The following ABCA5 variants were observed in gnomAD, a reference collection of about 807,000 sequenced individuals.
The protein encoded by ABCA5 is cholesterol transporter ABCA5.
Under a neutral mutation model 206.0 loss-of-function variants are expected in ABCA5, and 163 were observed. The observed-to-expected ratio is 0.79, with a 90% confidence interval of 0.70 to 0.90. ABCA5 has a LOEUF of 0.90. ABCA5 is among the 40% of genes least tolerant of loss of function. The pLI is 0.00. For missense variants in ABCA5, 1,859 were observed against 1,912.9 expected, an observed-to-expected ratio of 0.97 and a Z score of 0.53; for synonymous variants, 609 against 613.8, an observed-to-expected ratio of 0.99 and a Z score of 0.11.
intron 15 of ABCA5, among the ~76,000 whole-genome samples, chr17:69,287,034 G>C (rs2075463485): frequency 6.6e-6 from 1 of 152,200 alleles, no homozygotes; most frequent in Admixed American, 6.5e-5. Context: ...AAACAGGTAA[G>C]AGTGGCTCAG....
In ABCA5 at chr17:69,302,890, A is replaced by G. The variant is rs1306938179; in HGVS notation, c.947T>C (p.Met316Thr). The G allele has an allele frequency of 2.0e-6, 3 of 1,527,174 alleles. No homozygotes were observed. Among genetic ancestry groups the G allele is most frequent in the South Asian group, 2.6e-5 (2 of 77,436 alleles). The allele number at this position is 1,527,174 out of a possible 1,614,324, so 94.6% of individuals were successfully genotyped here. A position where few individuals can be genotyped will look rare whatever the true frequency, so the allele number is the denominator to read the frequency against. Residue 316 changes from methionine (M) to threonine (T), a missense_variant, in exon 8 of 39, where the codon ATG becomes ACG. Physicochemically the swap from Met to Thr is moderately conservative, Grantham distance 81 (BLOSUM62 -1). Transcript: ENST00000392676. ...TGATTTTTTAAAAAGAGGTGTCAGC[A>G]TTAAAGCAAAAAATACCTATAAAAT... is the stretch of plus-strand genomic sequence containing the variant. Reference protein sequence around the residue: ...YGLSSVFFALMLTPLFKKSKH... With the variant: ...YGLSSVFFALTLTPLFKKSKH...
rs563095173 is a variant in ABCA5 at position 69,247,317 on chromosome 17, T to C, written c.*220A>G. On this transcript the variant is annotated 3_prime_UTR_variant, in exon 39 of 39. Coordinates refer to ENST00000392676, the MANE Select transcript of ABCA5 (RefSeq NM_172232.4). The stretch of plus-strand genomic sequence containing the variant: ...ATGACATACAAACTATATAGTTCAA[T>C]ATACTTCAATACAAACATGCAGCTT... 2.3e-6 allele frequency: 1 copy of C among 438,202 alleles called. No individual in the cohort carries two copies. The highest frequency in any genetic ancestry group is 4.0e-6 in the Non-Finnish European group (1 of 248,058). 27.1% of individuals were successfully genotyped at this position (438,202 alleles called of 1,614,324 possible).
chr17:69,291,301 A>C lies in ABCA5; in HGVS notation c.1521T>G (p.Gly507=). The C allele has an allele frequency of 6.2e-7, 1 of 1,608,926 alleles. No individual in the cohort carries two copies. The highest frequency in any genetic ancestry group is 8.5e-7 in the Non-Finnish European group (1 of 1,176,414). ...LRNLSFDIYE[G]QITALLGHSG... is the part of the protein sequence containing the mutation. Reference sequence around the variant, plus strand: ...TGTGGCCAAGTAAGGCAGTAATCTGACCCTCATATATGTCAAATGACAAAT... The same window carrying C: ...TGTGGCCAAGTAAGGCAGTAATCTGCCCCTCATATATGTCAAATGACAAAT... The change falls in exon 12 of 39, where the codon GGT becomes GGG. Residue 507 remains glycine, a synonymous_variant. Transcript: ENST00000392676.
intron 24 of ABCA5, among the ~76,000 whole-genome samples, chr17:69,262,662 C>T (rs911916637): frequency 6.6e-6 from 1 of 152,060 alleles, no homozygotes; most frequent in African/African-American, 2.4e-5. Flanking sequence ...GATTCCATGT[C>T]TTTGCTATTG....
chr17:69,303,869 TAC>T (rs1480814820), intron 7 of ABCA5, among the ~76,000 whole-genome samples: 4 of 106,880 alleles, frequency 3.7e-5, no homozygotes, highest in Non-Finnish European at 5.4e-5. Flanking sequence ...TATATATATA[TAC>T]ATATATACAT....
chr17:69,308,855 C>T (rs2075743846), intron 4 of ABCA5, among the ~76,000 whole-genome samples: 1 of 152,006 alleles, frequency 6.6e-6, no homozygotes, highest in East Asian at 1.9e-4. Flanking sequence ...TAGATTTAAA[C>T]AACCAAAGGT....
intron 29 of ABCA5, 53 bp from the exon 30 acceptor site, chr17:69,255,903 G>A (rs1022639970): frequency 1.8e-5 from 25 of 1,421,190 alleles, no homozygotes; most frequent in Admixed American, 2.4e-5. Flanking sequence ...ATCATGAAAT[G>A]ACAGGCTGCA....
chr17:69,325,095 A>G (rs548332550), intron 1 of ABCA5, among the ~76,000 whole-genome samples: 52 of 151,258 alleles, frequency 3.4e-4, no homozygotes, highest in Non-Finnish European at 7.2e-4. Flanking sequence ...CTTGAGCCCA[A>G]GAGTTCAAGA....
chr17:69,266,639 A>T (rs1177906119), intron 23 of ABCA5, among the ~76,000 whole-genome samples: 1 of 148,092 alleles, frequency 6.8e-6, no homozygotes, highest in Non-Finnish European at 1.5e-5. Context: ...ATATTGGAAA[A>T]AAAATGTTTC....
chr17:69,259,233 C>T (rs1277003080), intron 28 of ABCA5, among the ~76,000 whole-genome samples: 3 of 151,988 alleles, frequency 2.0e-5, no homozygotes, highest in South Asian at 2.1e-4. Context: ...GTGCTACACA[C>T]GACTACATGA....
intron 1 of ABCA5, chr17:69,318,665 A>G (rs2075837996): frequency 7.2e-6 from 3 of 417,552 alleles, no homozygotes; most frequent in South Asian, 6.0e-5. Flanking sequence ...CAAGAATAGA[A>G]GATACATTAA....
At chr17:69,250,340 T>C in intron 36 of ABCA5, 132 bp downstream of exon 36, 2 of 656,224 alleles carry the variant, frequency 3.0e-6, no homozygotes, top group Non-Finnish European at 4.6e-6. Flanking sequence ...TATACATATA[T>C]ATTCACACAC....
rs778223624 is a variant in ABCA5 at position 69,248,306 on chromosome 17, A to T, written c.4777T>A (p.Phe1593Ile). 76 of 1,564,542 alleles carry T rather than the reference A, an allele frequency of 4.9e-5. No homozygotes were observed. Among genetic ancestry groups the T allele is most frequent in the Non-Finnish European group, 6.5e-5 (74 of 1,145,362 alleles). Residue 1593 changes from phenylalanine to isoleucine, a missense_variant, in exon 38 of 39, where the codon TTT becomes ATT. Transcript: ENST00000392676. ...GAAAAGCTATATTCTTCAATGGCAAAAGCATGTTTAGCTATTAAAATATAA... is the reference window on the plus strand; with the variant it reads ...GAAAAGCTATATTCTTCAATGGCAATAGCATGTTTAGCTATTAAAATATAA... ...FFKLEEAKHA[F>I]AIEEYSFSQA...
chr17:69,283,879 A>G, intron 18 of ABCA5, 74 bp downstream of exon 18: 3 of 1,419,850 alleles, frequency 2.1e-6, no homozygotes, highest in Admixed American at 2.5e-5. Context: ...ATAAAATTAC[A>G]TTTATATAAT....
At chr17:69,299,537 A>G (rs1191489485) in intron 9 of ABCA5, among the ~76,000 whole-genome samples, 1 of 151,858 alleles carries the variant, frequency 6.6e-6, no homozygotes, top group Non-Finnish European at 1.5e-5. Flanking sequence ...GAACAAAATA[A>G]TGCCATTTGC....
intron 11 of ABCA5, among the ~76,000 whole-genome samples, chr17:69,294,214 G>A (rs560119232): frequency 2.0e-5 from 3 of 151,962 alleles, no homozygotes; most frequent in South Asian, 2.1e-4. Context: ...TCACATAAAC[G>A]AAAGTATCTC....
At chr17:69,253,954 C>T (rs887468351) in intron 32 of ABCA5, 85 bp from the exon 33 acceptor site, 1 of 1,135,356 alleles carries the variant, frequency 8.8e-7, no homozygotes. Context: ...ATGTTGTTTT[C>T]TCTAGAATAG....
chr17:69,256,314 T>C (rs866486505), intron 28 of ABCA5, 31 bp from the exon 29 acceptor site: 3 of 1,406,870 alleles, frequency 2.1e-6, no homozygotes, highest in African/African-American at 1.5e-5. Flanking sequence ...TAAAAGACAG[T>C]AGGTTTTCAA....
chr17:69,325,404 G>A (rs537344723), intron 1 of ABCA5, among the ~76,000 whole-genome samples: 2 of 152,054 alleles, frequency 1.3e-5, no homozygotes. Context: ...ATGGTACACA[G>A]AGGACAAGTC....
Sources: gnomAD v4.1 joint callset for allele counts (sites outside exome capture counted in the v4.1 genomes callset) on GRCh38, gnomAD v4.1.1 for gene constraint, MANE v1.5 for transcripts, NCBI Gene and HGNC (gene_info 2026-07-23, HGNC 2026-07-21) for gene names.